Variants in GRIK1 observed in about 807,000 individuals in gnomAD.
GRIK1 encodes the protein glutamate ionotropic receptor kainate type subunit 1.
Under a neutral mutation model 105.7 loss-of-function variants are expected in GRIK1, and 69 were observed. The observed-to-expected ratio is 0.65, with a 90% CI of 0.54 to 0.80. The LOEUF is 0.80. GRIK1 is among the 30% of genes least tolerant of loss of function. The probability of loss-of-function intolerance (pLI) is 0.00; values close to 1 mark genes in which losing one functional copy is unlikely to be tolerated. For missense variants in GRIK1, 1,109 were observed against 1,167.3 expected (o/e 0.95, Z 0.73); for synonymous variants, 438 against 431.3 (o/e 1.02, Z -0.19).
chr21:29,735,689 G>C (rs1486188293), intron 1 of GRIK1, among the ~76,000 whole-genome samples: 2 of 151,978 alleles, frequency 1.3e-5, no homozygotes, highest in East Asian at 3.9e-4. Context: ...CTAAGGTCAA[G>C]AGTTTGAGAC....
At chr21:29,849,181 A>G (rs2068230633) in intron 1 of GRIK1, among the ~76,000 whole-genome samples, 1 of 151,986 alleles carries the variant, frequency 6.6e-6, no homozygotes, top group Non-Finnish European at 1.5e-5. Flanking sequence ...GTATTTTATT[A>G]GGTTTTAAAA....
At chr21:29,616,389 T>C (rs930259566) in intron 7 of GRIK1, among the ~76,000 whole-genome samples, 1 of 152,232 alleles carries the variant, frequency 6.6e-6, no homozygotes, top group Non-Finnish European at 1.5e-5. Flanking sequence ...TTTTATCATT[T>C]AAATTCCAAG....
rs1464785636 is a variant in GRIK1, at chr21:29,665,406, C to T, written c.726+7577G>A. Among the ~76,000 whole-genome samples the T allele has an allele frequency of 4.6e-5, 7 of 152,152 alleles. No individual in the cohort carries two copies. In the East Asian group the frequency reaches 1.4e-3, roughly 29 times the overall value. On this transcript the variant is annotated intron_variant, in intron 4 of 17. Transcript: ENST00000327783. Reference sequence around the variant, plus strand: ...CATAATTACGATGAGAATGTACCGCCAAAGTAATTATATAACATACTACAA... The same window carrying T: ...CATAATTACGATGAGAATGTACCGCTAAAGTAATTATATAACATACTACAA...
At chr21:29,814,609 G>C (rs1051668423) in intron 1 of GRIK1, among the ~76,000 whole-genome samples, 2 of 152,060 alleles carry the variant, frequency 1.3e-5, no homozygotes, top group Admixed American at 6.6e-5. Context: ...TGCCTCTCTC[G>C]ATAACGATTC....
intron 1 of GRIK1, among the ~76,000 whole-genome samples, chr21:29,878,564 A>C (rs1484580249): frequency 6.6e-6 from 1 of 152,166 alleles, no homozygotes; most frequent in Non-Finnish European, 1.5e-5. Context: ...CTATAGACTG[A>C]ATGGTTGTGT....
chr21:29,795,796 T>C (rs2066538763), intron 1 of GRIK1, among the ~76,000 whole-genome samples: 2 of 152,214 alleles, frequency 1.3e-5, no homozygotes, highest in Admixed American at 1.3e-4. Flanking sequence ...TCTTTTTTAC[T>C]TGCTAGCAAG....
In GRIK1 at chr21:29,596,626, T is replaced by G. The variant is rs1264872257; in HGVS notation, c.1207-56A>C. 6 of 1,250,970 alleles carry G rather than the reference T, an allele frequency of 4.8e-6. No individual in the cohort carries two copies. In the East Asian group the frequency reaches 1.4e-4, roughly 29 times the overall value. The allele number at this position is 1,250,970 out of a possible 1,614,324, so 77.5% of individuals were successfully genotyped here. Reference sequence around the variant, plus strand: ...AACAGCACTTAATTAAAATGGAGCGTGAAACCCAGAAGGAATCATGGTGTG... The same window carrying G: ...AACAGCACTTAATTAAAATGGAGCGGGAAACCCAGAAGGAATCATGGTGTG... On this transcript the variant is annotated intron_variant, in intron 8 of 17. Coordinates refer to ENST00000327783, the MANE Select transcript of GRIK1 (RefSeq NM_001330994.2).
intron 4 of GRIK1, among the ~76,000 whole-genome samples, chr21:29,668,947 C>A (rs1406584740): frequency 1.3e-5 from 2 of 152,096 alleles, no homozygotes; most frequent in Non-Finnish European, 2.9e-5. Context: ...GCATCAGGAC[C>A]CTGCTGCGAG....
At chr21:29,685,787 G>T (rs1361635539) in intron 3 of GRIK1, among the ~76,000 whole-genome samples, 1 of 152,146 alleles carries the variant, frequency 6.6e-6, no homozygotes, top group Non-Finnish European at 1.5e-5. Context: ...AGGTCTTTCT[G>T]ACTTTCTCCT....
chr21:29,899,115 G>A (rs2070291799), intron 1 of GRIK1, among the ~76,000 whole-genome samples: 1 of 152,160 alleles, frequency 6.6e-6, no homozygotes, highest in African/African-American at 2.4e-5. Context: ...AAATTGAAAT[G>A]AGAATTAAAT....
intron 1 of GRIK1, among the ~76,000 whole-genome samples, chr21:29,938,191 G>C (rs570016456): frequency 1.3e-5 from 2 of 152,214 alleles, no homozygotes; most frequent in African/African-American, 4.8e-5. Flanking sequence ...CTCAGGAAGC[G>C]TCACTATGCC....
At chr21:29,810,852 A>G (rs2066991540) in intron 1 of GRIK1, among the ~76,000 whole-genome samples, 2 of 152,172 alleles carry the variant, frequency 1.3e-5, no homozygotes, top group Non-Finnish European at 2.9e-5. Flanking sequence ...AACAGCTCAC[A>G]GCACCAGAGC....
At chr21:29,908,697 G>A (rs1210222084) in intron 1 of GRIK1, among the ~76,000 whole-genome samples, 1 of 152,116 alleles carries the variant, frequency 6.6e-6, no homozygotes, top group Non-Finnish European at 1.5e-5. Flanking sequence ...TTTCTAGTGT[G>A]TTACAAGTAA....
chr21:29,749,879 AAAAGACAGTC>A (rs1345892492), intron 1 of GRIK1, among the ~76,000 whole-genome samples: 1 of 152,220 alleles, frequency 6.6e-6, no homozygotes, highest in Non-Finnish European at 1.5e-5. Flanking sequence ...AATGAAGTTA[AAAAGACAGTC>A]TGTTTATGAA....
At chr21:29,643,906 ACATG>A (rs1482456000) in intron 6 of GRIK1, among the ~76,000 whole-genome samples, 1 of 147,624 alleles carries the variant, frequency 6.8e-6, no homozygotes, top group Admixed American at 6.7e-5. Flanking sequence ...AGGGGCACAC[ACATG>A]CACACACACA....
intron 1 of GRIK1, among the ~76,000 whole-genome samples, chr21:29,782,765 C>A (rs1202698509): frequency 6.6e-6 from 1 of 152,224 alleles, no homozygotes; most frequent in Non-Finnish European, 1.5e-5. Flanking sequence ...ATATCTAATT[C>A]ATCTCCCTTT....
intron 1 of GRIK1, among the ~76,000 whole-genome samples, chr21:29,711,120 A>G (rs757681492): frequency 6.6e-6 from 1 of 151,974 alleles, no homozygotes; most frequent in Non-Finnish European, 1.5e-5. Flanking sequence ...TTAACTCAAA[A>G]CTTCTTAAAA....
intron 1 of GRIK1, among the ~76,000 whole-genome samples, chr21:29,926,197 C>T (rs1291616933): frequency 6.6e-6 from 1 of 151,782 alleles, no homozygotes; most frequent in African/African-American, 2.4e-5. Flanking sequence ...GTTAAAATTT[C>T]CCTAGATTTG....
intron 1 of GRIK1, among the ~76,000 whole-genome samples, chr21:29,862,348 G>A (rs1349874009): frequency 2.0e-5 from 3 of 151,864 alleles, no homozygotes; most frequent in African/African-American, 7.3e-5. Context: ...TCTTGTTGTA[G>A]GCTATTTTGT....
Sources: gnomAD v4.1 joint callset for allele counts (sites outside exome capture counted in the v4.1 genomes callset) on GRCh38, gnomAD v4.1.1 for gene constraint, MANE v1.5 for transcripts, NCBI Gene and HGNC (gene_info 2026-07-23, HGNC 2026-07-21) for gene names.